Variants in NCK2 observed in about 807,000 individuals in gnomAD.
NCK2 encodes cytoplasmic protein NCK2.
NCK2 carries 16 observed loss-of-function variants against 33.9 expected under a neutral mutation model. The ratio of observed to expected loss-of-function variants is 0.47; its 90% confidence interval spans 0.32 to 0.72. The LOEUF (loss-of-function observed/expected upper bound fraction) is 0.72, where lower values mean the gene tolerates loss of function less well. NCK2 is among the 30% of genes least tolerant of loss of function. The pLI, the probability that NCK2 is intolerant of heterozygous loss-of-function variation, is 0.03. For synonymous variants in NCK2, 273 were observed against 239.9 expected, an observed-to-expected ratio of 1.14 and a Z score of -1.27; for missense variants, 418 against 537.3, an observed-to-expected ratio of 0.78 and a Z score of 2.19.
chr2:105,804,086 T>C (rs943354013), intron 1 of NCK2, among the ~76,000 whole-genome samples: 1 of 152,160 alleles, frequency 6.6e-6, no homozygotes. Flanking sequence ...GGGCAAATTA[T>C]ATACATAGAG....
chr2:105,753,608 A>G (rs1454142826), intron 1 of NCK2, among the ~76,000 whole-genome samples: 1 of 152,166 alleles, frequency 6.6e-6, no homozygotes, highest in Non-Finnish European at 1.5e-5. Context: ...TCTCCTCCAC[A>G]CTGGGGGCTG....
chr2:105,777,055 G>C (rs185593203), intron 1 of NCK2, among the ~76,000 whole-genome samples: 1 of 151,980 alleles, frequency 6.6e-6, no homozygotes, highest in Admixed American at 6.6e-5. Context: ...GGTCTGAAGG[G>C]CAAAATGAGG....
chr2:105,885,439 A>G (rs1350369786), intron 4 of NCK2, among the ~76,000 whole-genome samples: 1 of 152,218 alleles, frequency 6.6e-6, no homozygotes, highest in Non-Finnish European at 1.5e-5. Flanking sequence ...CTGTATTTTT[A>G]AAGTTATAAT....
intron 1 of NCK2, among the ~76,000 whole-genome samples, chr2:105,763,024 G>A (rs1208340062): frequency 6.6e-6 from 1 of 152,076 alleles, no homozygotes; most frequent in Non-Finnish European, 1.5e-5. Flanking sequence ...GTGAAACCCC[G>A]TCTCTACTAA....
Position 105,882,010 on chromosome 2 carries a change from C to T in NCK2, c.909C>T (p.Gly303=), listed in dbSNP as rs1558885885. The T allele has an allele frequency of 1.3e-6, 2 of 1,505,694 alleles. No homozygotes were observed. The highest frequency in any genetic ancestry group is 1.8e-4 in the Middle Eastern group (1 of 5,562). The allele number at this position is 1,505,694 out of a possible 1,614,324, so 93.3% of individuals were successfully genotyped here. ...CCGAGTGCGCCCTCAACGAGCGGGG[C>T]GTGGAGGGCGACTTCCTCATTAGGG... ...HQAECALNER[G]VEGDFLIRDS... Residue 303 remains glycine (G), a synonymous_variant, in exon 4 of 5, where the codon GGC becomes GGT. Coordinates refer to ENST00000233154, the MANE Select transcript of NCK2 (RefSeq NM_003581.5).
rs570090716 is a variant in NCK2, at chr2:105,867,605, T to TC, written c.226+12318dup. Among the ~76,000 whole-genome samples the TC allele has an allele frequency of 7.5e-3, 1,139 of 152,206 alleles. 21 individuals are homozygous for TC. The highest frequency in any genetic ancestry group is 0.026 in the African/African-American group (1,097 of 41,520). ...GAGACCCTGGGAAGTGAAGGTGGGG[T>TC]CCGTACCCTTGGAATACTAAGGAGA... is the stretch of plus-strand genomic sequence containing the variant. On this transcript the variant is annotated intron_variant, in intron 3 of 4. Transcript: ENST00000233154.
At chr2:105,784,628 C>T (rs1690609281) in intron 1 of NCK2, among the ~76,000 whole-genome samples, 2 of 152,154 alleles carry the variant, frequency 1.3e-5, no homozygotes, top group South Asian at 4.1e-4. Context: ...TTAAATTGAG[C>T]ATGTCTGTGG....
chr2:105,866,697 C>T (rs573146180), intron 3 of NCK2, among the ~76,000 whole-genome samples: 31 of 152,326 alleles, frequency 2.0e-4, no homozygotes, highest in Admixed American at 5.9e-4. Context: ...CATCTCCTGC[C>T]GTGCAGCCCA....
At chr2:105,750,265 CTCTTA>C (rs1387985321) in intron 1 of NCK2, among the ~76,000 whole-genome samples, 1 of 152,142 alleles carries the variant, frequency 6.6e-6, no homozygotes, top group African/African-American at 2.4e-5. Context: ...GTGTTTCTTC[CTCTTA>C]TAAGAACATC....
intron 2 of NCK2, among the ~76,000 whole-genome samples, chr2:105,823,926 T>C (rs1675847188): frequency 6.6e-6 from 1 of 152,034 alleles, no homozygotes; most frequent in Admixed American, 6.5e-5. Context: ...TGTGAAGGTC[T>C]ACCCAGGTCA....
chr2:105,755,691 T>C (rs1275352191), intron 1 of NCK2, among the ~76,000 whole-genome samples: 2 of 151,490 alleles, frequency 1.3e-5, no homozygotes, highest in Admixed American at 6.6e-5. Context: ...AGAGACTTCA[T>C]TGAGACCCGA....
chr2:105,799,036 C>T (rs1001994246), intron 1 of NCK2, among the ~76,000 whole-genome samples: 30 of 151,982 alleles, frequency 2.0e-4, no homozygotes, highest in African/African-American at 6.8e-4. Context: ...ACCTGGTTTT[C>T]CTTGGCCCAC....
intron 1 of NCK2, among the ~76,000 whole-genome samples, chr2:105,778,638 C>A (rs1182829267): frequency 6.6e-6 from 1 of 152,196 alleles, no homozygotes; most frequent in African/African-American, 2.4e-5. Flanking sequence ...TCTGCACATT[C>A]CTCCTTAGGC....
intron 1 of NCK2, among the ~76,000 whole-genome samples, chr2:105,767,354 A>G (rs1689984094): frequency 6.6e-6 from 1 of 152,184 alleles, no homozygotes; most frequent in Non-Finnish European, 1.5e-5. Context: ...GACCCTCCCT[A>G]TTCCCTTGTT....
chr2:105,879,022 C>T (rs1385429356), intron 3 of NCK2, among the ~76,000 whole-genome samples: 2 of 152,220 alleles, frequency 1.3e-5, no homozygotes, highest in East Asian at 3.8e-4. Flanking sequence ...GAATATTCGT[C>T]TATCAGTTAT....
intron 2 of NCK2, among the ~76,000 whole-genome samples, chr2:105,843,228 G>A (rs907948132): frequency 7.9e-5 from 12 of 151,924 alleles, no homozygotes; most frequent in African/African-American, 2.9e-4. Flanking sequence ...TATATAGCCC[G>A]AAGGTAATTT....
chr2:105,835,771 G>T (rs1439517975), intron 2 of NCK2, among the ~76,000 whole-genome samples: 1 of 151,744 alleles, frequency 6.6e-6, no homozygotes, highest in Admixed American at 6.6e-5. Flanking sequence ...ATGAATATAT[G>T]TTTGCTTAAT....
chr2:105,845,780 G>A (rs1018229461), intron 2 of NCK2, among the ~76,000 whole-genome samples: 8 of 152,004 alleles, frequency 5.3e-5, no homozygotes, highest in Non-Finnish European at 1.0e-4. Flanking sequence ...CTGATAAACC[G>A]CTAAAAATGG....
chr2:105,875,889 T>G (rs757032718), intron 3 of NCK2, among the ~76,000 whole-genome samples: 1 of 152,270 alleles, frequency 6.6e-6, no homozygotes, highest in Non-Finnish European at 1.5e-5. Context: ...AGATTTAAAG[T>G]GCTTGAGATG....
Sources: gnomAD v4.1 joint callset for allele counts (sites outside exome capture counted in the v4.1 genomes callset) on GRCh38, gnomAD v4.1.1 for gene constraint, MANE v1.5 for transcripts, NCBI Gene and HGNC (gene_info 2026-07-23, HGNC 2026-07-21) for gene names.